The following PFKFB4 variants were observed in gnomAD, a reference collection of about 807,000 sequenced individuals.
PFKFB4 encodes 6-phosphofructo-2-kinase/fructose-2,6-biphosphatase 4, also known as 6-phosphofructo-2-kinase/fructose-2,6-bisphosphatase 4.
PFKFB4 carries 42 observed loss-of-function variants against 62.8 expected under a neutral mutation model. The observed-to-expected ratio is 0.67, with a 90% CI of 0.52 to 0.86. The LOEUF (loss-of-function observed/expected upper bound fraction) is 0.86. Among genes scored for constraint, PFKFB4 ranks in the 40% least tolerant of loss-of-function variants. The pLI is 0.00. For synonymous variants in PFKFB4, 204 were observed against 240.7 expected, an observed-to-expected ratio of 0.85 and a Z score of 1.41; for missense variants, 475 against 627.2, an observed-to-expected ratio of 0.76 and a Z score of 2.59.
At chr3:48,529,220 A>G (rs2042357014) in intron 9 of PFKFB4, among the ~76,000 whole-genome samples, 1 of 152,000 alleles carries the variant, frequency 6.6e-6, no homozygotes, top group South Asian at 2.1e-4. Context: ...TATATTTTAA[A>G]TGGGTGAATT....
chr3:48,534,010 T>G (rs764970980), intron 9 of PFKFB4, among the ~76,000 whole-genome samples: 3 of 152,076 alleles, frequency 2.0e-5, no homozygotes, highest in Non-Finnish European at 4.4e-5. Flanking sequence ...CCAAGCATAA[T>G]GAAGAAATAA....
At chr3:48,543,542 T>A in intron 4 of PFKFB4, 38 bp downstream of exon 4, 1 of 1,561,072 alleles carries the variant, frequency 6.4e-7, no homozygotes. Context: ...TGGGCTCCCA[T>A]GTGTCACTCC....
At chr3:48,562,777 C>T (rs1296349737), upstream of PFKFB4, 1 of 1,538,454 alleles carries the variant, frequency 6.5e-7, no homozygotes. The surrounding 1 kb of genome is among the most constrained non-coding windows in gnomAD (Gnocchi z 4.3). Flanking sequence ...GTGACCCCCT[C>T]TCTCAGGCTC....
chr3:48,536,499 G>GCCA (rs1560164166), intron 7 of PFKFB4, 36 bp from the exon 8 acceptor site: 1 of 1,535,452 alleles, frequency 6.5e-7, no homozygotes, highest in Admixed American at 1.7e-5. Context: ...GCCTGTGAGC[G>GCCA]TGGCCAGGGT....
intron 1 of PFKFB4, among the ~76,000 whole-genome samples, chr3:48,554,608 C>G (rs2043255487): frequency 6.6e-6 from 1 of 152,214 alleles, no homozygotes; most frequent in Non-Finnish European, 1.5e-5. Context: ...GAGACCTTCC[C>G]ATTGGGCCTC....
rs1214904047 is a variant in PFKFB4, at chr3:48,535,541, G to A, written c.958C>T (p.Gln320Ter). ...TCGATCTCGTTGAGGACCTTCCACT[G>A]TTCATAGGGCACACCCAGTGCCTCA... ...TAEALGVPYEQWKVLNEIDAG... is the reference protein window; with the variant it reads ...TAEALGVPYE Residue 320 changes from glutamine to a stop codon, truncating the protein, a stop_gained, in exon 9 of 14, where the codon CAG (glutamine) becomes TAG (stop). Coordinates refer to ENST00000232375, the MANE Select transcript of PFKFB4 (RefSeq NM_004567.4). LOFTEE classifies it high-confidence loss of function. 3.1e-6 allele frequency: 5 copies of A among 1,614,008 alleles called. No individual in the cohort carries two copies. Among genetic ancestry groups the A allele is most frequent in the Non-Finnish European group, 4.2e-6 (5 of 1,180,006 alleles).
upstream of PFKFB4, chr3:48,562,898 A>G (rs780430031): frequency 6.2e-7 from 1 of 1,605,236 alleles, no homozygotes; most frequent in Non-Finnish European, 8.5e-7. The surrounding 1 kb of genome is among the most constrained non-coding windows in gnomAD (Gnocchi z 4.3). Context: ...GGGGACATCC[A>G]GCGATAGGAC....
chr3:48,551,854 T>C (rs372968990), intron 1 of PFKFB4, among the ~76,000 whole-genome samples: 14 of 152,246 alleles, frequency 9.2e-5, no homozygotes, highest in Admixed American at 1.3e-4. Flanking sequence ...CAGTTTCCAG[T>C]GCCATCAAAC....
At chr3:48,542,672 G>C (rs1186633296) in intron 4 of PFKFB4, among the ~76,000 whole-genome samples, 1 of 152,070 alleles carries the variant, frequency 6.6e-6, no homozygotes, top group Non-Finnish European at 1.5e-5. Context: ...CCCTCTAAGA[G>C]ATGAAGCTTT....
chr3:48,530,255 A>AAAAT (rs1197115028), intron 9 of PFKFB4, among the ~76,000 whole-genome samples: 5 of 152,154 alleles, frequency 3.3e-5, no homozygotes, highest in Admixed American at 6.5e-5. Flanking sequence ...TTGGTCTCAA[A>AAAAT]AAATAAATAA....
intron 9 of PFKFB4, among the ~76,000 whole-genome samples, chr3:48,534,960 C>G (rs909280358): frequency 1.3e-5 from 2 of 152,076 alleles, no homozygotes; most frequent in South Asian, 2.1e-4. Flanking sequence ...AGGTACCCAC[C>G]ACCATGCCTG....
intron 13 of PFKFB4, among the ~76,000 whole-genome samples, chr3:48,520,458 C>T (rs967499403): frequency 1.3e-5 from 2 of 152,164 alleles, no homozygotes; most frequent in Non-Finnish European, 2.9e-5. Context: ...AGCCTGGTGG[C>T]CCCTCCTCCC....
intron 2 of PFKFB4, 50 bp downstream of exon 2, chr3:48,550,065 CTCT>C: frequency 2.7e-6 from 4 of 1,461,604 alleles, no homozygotes; most frequent in Non-Finnish European, 3.8e-6. Flanking sequence ...CTTCTCTATT[CTCT>C]TCGTCATGCC....
chr3:48,541,690 G>A (rs1157071391), intron 4 of PFKFB4, among the ~76,000 whole-genome samples: 1 of 152,242 alleles, frequency 6.6e-6, no homozygotes, highest in Non-Finnish European at 1.5e-5. Flanking sequence ...TTTGGGCCGG[G>A]TGCAGTGGCT....
intron 1 of PFKFB4, among the ~76,000 whole-genome samples, chr3:48,555,850 A>G: frequency 6.6e-6 from 1 of 152,044 alleles, no homozygotes; most frequent in Non-Finnish European, 1.5e-5. Flanking sequence ...GCTGCAGTGA[A>G]CTATGATCGC....
intron 7 of PFKFB4, among the ~76,000 whole-genome samples, chr3:48,537,415 C>T (rs1243079731): frequency 1.3e-5 from 2 of 151,996 alleles, no homozygotes; most frequent in Non-Finnish European, 2.9e-5. Context: ...AGCTCAGGCC[C>T]GGCCTGGGCT....
intron 3 of PFKFB4, among the ~76,000 whole-genome samples, chr3:48,549,316 A>G (rs1340810158): frequency 6.6e-6 from 1 of 152,108 alleles, no homozygotes; most frequent in Non-Finnish European, 1.5e-5. Context: ...ACCAGCAATC[A>G]CACACCAAGA....
chr3:48,523,047 C>T (rs889934099), intron 12 of PFKFB4, among the ~76,000 whole-genome samples: 2 of 151,516 alleles, frequency 1.3e-5, no homozygotes, highest in African/African-American at 4.8e-5. Flanking sequence ...AGGCATGAGC[C>T]ACCGCACCCA....
At chr3:48,555,566 G>C (rs961760990) in intron 1 of PFKFB4, among the ~76,000 whole-genome samples, 2 of 152,142 alleles carry the variant, frequency 1.3e-5, no homozygotes, top group East Asian at 1.9e-4. Context: ...TCATTACAAT[G>C]TTTCAGTTAC....
Sources: allele counts gnomAD v4.1 joint callset (sites outside exome capture counted in the v4.1 genomes callset), GRCh38; gene constraint gnomAD v4.1.1; non-coding constraint Gnocchi (gnomAD v3.1); transcripts MANE v1.5; gene names NCBI Gene and HGNC (gene_info 2026-07-23, HGNC 2026-07-21).